Variants in PIP5K1B observed in about 807,000 individuals in gnomAD.
PIP5K1B encodes phosphatidylinositol 4-phosphate 5-kinase type-1 beta.
PIP5K1B carries 42 observed loss-of-function variants against 67.0 expected under a neutral mutation model. The ratio of observed to expected loss-of-function variants is 0.63; its 90% CI spans 0.49 to 0.81. The LOEUF is 0.81. Ranked by LOEUF, PIP5K1B falls within the 30% of genes least tolerant of loss-of-function variation. The pLI is 0.00. For missense variants in PIP5K1B, 459 were observed against 646.3 expected (o/e 0.71, Z 3.14); for synonymous variants, 214 against 231.4 (o/e 0.92, Z 0.68).
At chr9:68,993,216 G>A (rs1337663362) in intron 15 of PIP5K1B, among the ~76,000 whole-genome samples, 3 of 150,702 alleles carry the variant, frequency 2.0e-5, no homozygotes, top group African/African-American at 4.9e-5. Flanking sequence ...CTGCATCTCC[G>A]ACCTGCCCCC....
chr9:68,931,273 G>A (rs1412148085), intron 12 of PIP5K1B, among the ~76,000 whole-genome samples: 1 of 152,138 alleles, frequency 6.6e-6, no homozygotes, highest in Non-Finnish European at 1.5e-5. Context: ...TAGAATATAA[G>A]AGTTAAATTA....
At chr9:68,859,421 A>G (rs1008947330) in intron 4 of PIP5K1B, among the ~76,000 whole-genome samples, 5 of 152,218 alleles carry the variant, frequency 3.3e-5, no homozygotes, top group African/African-American at 1.2e-4. Flanking sequence ...TCCAGGCAAC[A>G]TATTGCCTCC....
At chr9:68,835,270 A>G (rs1834541424) in intron 4 of PIP5K1B, among the ~76,000 whole-genome samples, 1 of 152,228 alleles carries the variant, frequency 6.6e-6, no homozygotes, top group African/African-American at 2.4e-5. Flanking sequence ...TGATGAGAAC[A>G]GACAGAACAT....
At chr9:68,873,281 C>CTTT (rs772335388) in intron 5 of PIP5K1B, among the ~76,000 whole-genome samples, 50 of 90,636 alleles carry the variant, frequency 5.5e-4, no homozygotes, top group Non-Finnish European at 5.9e-4. Flanking sequence ...ACTTTCTGAT[C>CTTT]TTTTTTTTTT....
intron 14 of PIP5K1B, among the ~76,000 whole-genome samples, chr9:68,955,758 T>C (rs1478503924): frequency 6.6e-6 from 1 of 152,226 alleles, no homozygotes; most frequent in Non-Finnish European, 1.5e-5. Context: ...ATTTATGTAG[T>C]ATTTTACTGT....
At chr9:68,750,726 G>A (rs1264501830) in intron 2 of PIP5K1B, among the ~76,000 whole-genome samples, 1 of 152,182 alleles carries the variant, frequency 6.6e-6, no homozygotes, top group Non-Finnish European at 1.5e-5. Flanking sequence ...TTAGTAAATG[G>A]TATCGTGTTT....
intron 6 of PIP5K1B, among the ~76,000 whole-genome samples, chr9:68,877,055 C>G (rs1469850040): frequency 6.6e-6 from 1 of 152,114 alleles, no homozygotes; most frequent in Non-Finnish European, 1.5e-5. Context: ...GATAATTATT[C>G]TAACAGATAT....
In PIP5K1B at chr9:68,917,724, A is replaced by G. The variant is rs745989427; in HGVS notation, c.948A>G (p.Lys316=). The change falls in exon 9 of 16, where the codon AAA becomes AAG. Residue 316 remains lysine, a synonymous_variant. Coordinates refer to ENST00000265382, the MANE Select transcript of PIP5K1B (RefSeq NM_003558.4). ...TAMESIQGPG[K]SGDGIITENP... ...TGGAATCTATCCAGGGTCCAGGGAAATCTGGAGATGGGATAATCACAGAGA... is the reference window on the plus strand; with the variant it reads ...TGGAATCTATCCAGGGTCCAGGGAAGTCTGGAGATGGGATAATCACAGAGA... The G allele has an allele frequency of 6.2e-7, 1 of 1,614,132 alleles. No individual in the cohort carries two copies. Among genetic ancestry groups the G allele is most frequent in the South Asian group, 1.1e-5 (1 of 91,084 alleles).
intron 15 of PIP5K1B, among the ~76,000 whole-genome samples, chr9:69,000,071 GTGTT>G (rs1316185228): frequency 9.9e-5 from 15 of 152,132 alleles, no homozygotes; most frequent in African/African-American, 3.6e-4. Context: ...AAAAATGAAG[GTGTT>G]ACCTTCCCTC....
chr9:68,709,228 GT>G, intron 1 of PIP5K1B, among the ~76,000 whole-genome samples: 1 of 152,088 alleles, frequency 6.6e-6, no homozygotes, highest in Non-Finnish European at 1.5e-5. Flanking sequence ...AAAATAACAT[GT>G]TTTTTTCTCT....
At chr9:68,846,610 C>T (rs1459984241) in intron 4 of PIP5K1B, among the ~76,000 whole-genome samples, 1 of 152,204 alleles carries the variant, frequency 6.6e-6, no homozygotes, top group Non-Finnish European at 1.5e-5. Context: ...TATAAAATCA[C>T]TGCATCGTCA....
At chr9:68,968,600 A>G (rs539730897) in intron 14 of PIP5K1B, among the ~76,000 whole-genome samples, 24 of 151,624 alleles carry the variant, frequency 1.6e-4, no homozygotes, top group African/African-American at 5.6e-4. Flanking sequence ...ATTATTTTCC[A>G]TGCATTTCTA....
intron 8 of PIP5K1B, among the ~76,000 whole-genome samples, chr9:68,897,080 G>C (rs899360591): frequency 2.0e-4 from 30 of 152,196 alleles, no homozygotes; most frequent in African/African-American, 6.5e-4. Flanking sequence ...TTGCAGAGCT[G>C]AGCCTCAGTG....
intron 8 of PIP5K1B, among the ~76,000 whole-genome samples, chr9:68,895,058 G>A (rs1825010160): frequency 1.3e-5 from 2 of 152,134 alleles, no homozygotes; most frequent in Non-Finnish European, 2.9e-5. Context: ...TAAAGAAAAT[G>A]TACTTGGGAT....
At chr9:68,816,417 C>T (rs1833450945) in intron 2 of PIP5K1B, among the ~76,000 whole-genome samples, 1 of 152,212 alleles carries the variant, frequency 6.6e-6, no homozygotes, top group Non-Finnish European at 1.5e-5. Flanking sequence ...GCGTGAGCCA[C>T]TGCACCCAGC....
At chr9:68,880,381 C>T (rs1015624240) in intron 6 of PIP5K1B, among the ~76,000 whole-genome samples, 2 of 152,196 alleles carry the variant, frequency 1.3e-5, no homozygotes, top group Admixed American at 1.3e-4. Flanking sequence ...GGCAAAATCC[C>T]GTCTCTACCA....
At chr9:68,707,101 AT>A (rs1381648482) in intron 1 of PIP5K1B, among the ~76,000 whole-genome samples, 3 of 152,058 alleles carry the variant, frequency 2.0e-5, no homozygotes, top group East Asian at 3.9e-4. Context: ...TTCATGTGTG[AT>A]CTCTGAGCGG....
At chr9:68,914,859 G>A (rs953955231) in intron 8 of PIP5K1B, among the ~76,000 whole-genome samples, 1 of 152,172 alleles carries the variant, frequency 6.6e-6, no homozygotes, top group Non-Finnish European at 1.5e-5. Flanking sequence ...GAATGACACT[G>A]GTAAGCAGGC....
At chr9:68,776,600 C>T (rs1000409544) in intron 2 of PIP5K1B, among the ~76,000 whole-genome samples, 19 of 152,010 alleles carry the variant, frequency 1.2e-4, no homozygotes, top group South Asian at 6.2e-4. Context: ...TGAGCCACCA[C>T]GCCTGGCCCT....
Sources: gnomAD v4.1 joint callset for allele counts (sites outside exome capture counted in the v4.1 genomes callset) on GRCh38, gnomAD v4.1.1 for gene constraint, MANE v1.5 for transcripts, NCBI Gene and HGNC (gene_info 2026-07-23, HGNC 2026-07-21) for gene names.